The following KCNIP1 variants were observed in gnomAD, a reference collection of about 807,000 sequenced individuals.
KCNIP1 encodes the protein A-type potassium channel modulatory protein KCNIP1.
A neutral mutation model predicts 33.0 loss-of-function variants in KCNIP1; 18 were observed. That is an observed-to-expected ratio of 0.55 (90% CI 0.38 to 0.81). KCNIP1 has a LOEUF of 0.81. Among genes scored for constraint, KCNIP1 ranks in the 30% least tolerant of loss-of-function variants. The pLI is 0.00. For missense variants in KCNIP1, 238 were observed against 271.6 expected, an observed-to-expected ratio of 0.88 and a Z score of 0.87; for synonymous variants, 93 against 98.3, an observed-to-expected ratio of 0.95 and a Z score of 0.32.
intron 1 of KCNIP1, among the ~76,000 whole-genome samples, chr5:170,697,030 TCTCCTC>T (rs1035702601): frequency 7.3e-5 from 11 of 151,560 alleles, no homozygotes; most frequent in African/African-American, 2.4e-4. Context: ...TCTCTTTCTC[TCTCCTC>T]CTCCTCCTCC....
chr5:170,678,443 G>T (rs1762221019), intron 1 of KCNIP1: 1 of 152,256 alleles, frequency 6.6e-6, no homozygotes, highest in Admixed American at 6.5e-5. Context: ...AAGGTTAGGA[G>T]ACAATCCAGA....
intron 1 of KCNIP1, among the ~76,000 whole-genome samples, chr5:170,520,691 C>A (rs1755333035): frequency 6.6e-6 from 1 of 152,164 alleles, no homozygotes; most frequent in East Asian, 1.9e-4. Flanking sequence ...GCCTGAGCGT[C>A]CCTGGAGATA....
intron 5 of KCNIP1, among the ~76,000 whole-genome samples, chr5:170,728,675 T>C (rs992307732): frequency 4.6e-5 from 7 of 152,112 alleles, no homozygotes; most frequent in Admixed American, 1.3e-4. Flanking sequence ...AAACATACCA[T>C]CTTCTGAAAG....
At chr5:170,619,205 C>T (rs1057276075) in intron 1 of KCNIP1, among the ~76,000 whole-genome samples, 2 of 152,194 alleles carry the variant, frequency 1.3e-5, no homozygotes, top group African/African-American at 4.8e-5. Flanking sequence ...ACACAGATGG[C>T]ATGCCATCTT....
intron 1 of KCNIP1, among the ~76,000 whole-genome samples, chr5:170,590,970 C>A (rs1192257134): frequency 2.6e-5 from 4 of 152,176 alleles, no homozygotes; most frequent in Admixed American, 6.5e-5. Context: ...ACCTCCACTC[C>A]TATCCCCTGG....
Position 170,504,904 on chromosome 5 carries a change from C to T in KCNIP1, c.61+271C>T, listed in dbSNP as rs1232098677. On this transcript the variant is annotated intron_variant, in intron 1 of 7. Coordinates refer to ENST00000328939, the MANE Select transcript of KCNIP1 (RefSeq NM_014592.4). The surrounding 1 kb of genome is among the most constrained non-coding windows in gnomAD (Gnocchi z 6.0). ...TCCTCCTGGGGAAATCTCTGAGAGC[C>T]GAAGGAAGCGGCATGTTCACAGGTG... 6.6e-6 allele frequency among the ~76,000 whole-genome samples: 1 copy of T among 152,166 alleles called. No individual in the cohort carries two copies. Among genetic ancestry groups the T allele is most frequent in the East Asian group, 1.9e-4 (1 of 5,190 alleles).
At chr5:170,437,520 A>G (rs2113456969) in intron 1 of KCNIP1, among the ~76,000 whole-genome samples, 1 of 152,316 alleles carries the variant, frequency 6.6e-6, no homozygotes, top group Middle Eastern at 3.4e-3. Flanking sequence ...AAGAGACATG[A>G]AGCAACCTTC....
Position 170,435,610 on chromosome 5 carries a change from G to A in KCNIP1, c.88+81646G>A, listed in dbSNP as rs1235239640. Among the ~76,000 whole-genome samples, 3 of 152,204 alleles carry A rather than the reference G, an allele frequency of 2.0e-5. No individual in the cohort carries two copies. The East Asian group carries it at 5.8e-4, about 29-fold the overall frequency. ...GATGATGCTGAAGGCACAGGCTCTG[G>A]AAGAGGACAGGGCCATGCTTATTCC... On this transcript the variant is annotated intron_variant, in intron 1 of 7. Transcript: ENST00000377360.
intron 1 of KCNIP1, among the ~76,000 whole-genome samples, chr5:170,523,458 C>T (rs1194828428): frequency 6.6e-6 from 1 of 152,184 alleles, no homozygotes; most frequent in African/African-American, 2.4e-5. Context: ...GAACTGCAGC[C>T]AGTGGCTGAT....
At chr5:170,634,183 G>A (rs145485182) in intron 1 of KCNIP1, among the ~76,000 whole-genome samples, 29 of 152,340 alleles carry the variant, frequency 1.9e-4, no homozygotes, top group African/African-American at 6.3e-4. Flanking sequence ...CTTAGATGGA[G>A]AAGGCTGGTA....
intron 1 of KCNIP1, among the ~76,000 whole-genome samples, chr5:170,423,345 A>T (rs1015211653): frequency 6.6e-6 from 1 of 151,750 alleles, no homozygotes; most frequent in Non-Finnish European, 1.5e-5. Flanking sequence ...AGATAAAAAG[A>T]CTAATACAAG....
intron 1 of KCNIP1, among the ~76,000 whole-genome samples, chr5:170,536,560 G>A (rs907506931): frequency 1.3e-5 from 2 of 152,148 alleles, no homozygotes; most frequent in African/African-American, 2.4e-5. Flanking sequence ...AACAAAGGAA[G>A]GCAAACATAT....
intron 1 of KCNIP1, among the ~76,000 whole-genome samples, chr5:170,708,846 T>C (rs550581171): frequency 3.1e-3 from 474 of 152,196 alleles, no homozygotes; most frequent in Non-Finnish European, 6.0e-3. Flanking sequence ...TTGCAGTGAG[T>C]GGAGATCACA....
chr5:170,622,467 C>T (rs1561723427), intron 1 of KCNIP1, among the ~76,000 whole-genome samples: 1 of 151,866 alleles, frequency 6.6e-6, no homozygotes, highest in Non-Finnish European at 1.5e-5. Flanking sequence ...ACTAAAAATA[C>T]AAAAATTAGC....
At chr5:170,584,973 T>A (rs1186347279) in intron 1 of KCNIP1, among the ~76,000 whole-genome samples, 1 of 152,054 alleles carries the variant, frequency 6.6e-6, no homozygotes, top group African/African-American at 2.4e-5. Context: ...CAGCAATGTG[T>A]TAACCCTTTA....
chr5:170,443,226 G>C (rs12187658), intron 1 of KCNIP1, among the ~76,000 whole-genome samples: 101,182 of 149,920 alleles, frequency 0.67, 34,568 homozygotes, highest in South Asian at 0.76. Flanking sequence ...CATAAAAATG[G>C]CTCATTCCCC....
At chr5:170,408,337 T>G (rs1755091129) in intron 1 of KCNIP1, among the ~76,000 whole-genome samples, 1 of 152,186 alleles carries the variant, frequency 6.6e-6, no homozygotes, top group South Asian at 2.1e-4. Flanking sequence ...GACCAGTTGC[T>G]TGAATGCAAG....
At chr5:170,431,076 A>G (rs1297567059) in intron 1 of KCNIP1, among the ~76,000 whole-genome samples, 3 of 152,248 alleles carry the variant, frequency 2.0e-5, no homozygotes, top group Admixed American at 2.0e-4. Flanking sequence ...GGCAAAGCAC[A>G]TTCCAGCCCT....
chr5:170,406,725 G>A (rs1174031849), intron 1 of KCNIP1, among the ~76,000 whole-genome samples: 5 of 152,102 alleles, frequency 3.3e-5, no homozygotes, highest in African/African-American at 1.2e-4. Context: ...TCCCTCTTAG[G>A]CTCCTTCCTC....
Sources: gnomAD v4.1 joint callset for allele counts (sites outside exome capture counted in the v4.1 genomes callset) on GRCh38, gnomAD v4.1.1 for gene constraint, Gnocchi (gnomAD v3.1) non-coding constraint, MANE v1.5 for transcripts, NCBI Gene and HGNC (gene_info 2026-07-23, HGNC 2026-07-21) for gene names.